The following RORA variants were observed in gnomAD, a reference collection of about 807,000 sequenced individuals.
The protein encoded by RORA is RAR related orphan receptor A, also known as nuclear receptor ROR-alpha.
RORA carries 7 observed loss-of-function variants against 69.5 expected under a neutral mutation model. The ratio of observed to expected loss-of-function variants is 0.10; its 90% CI spans 0.06 to 0.19. The LOEUF (loss-of-function observed/expected upper bound fraction) is 0.19. Ranked by LOEUF, RORA falls within the 10% of genes least tolerant of loss-of-function variation. The pLI, the probability that RORA is intolerant of heterozygous loss-of-function variation, is 1.00. For synonymous variants in RORA, 261 were observed against 240.8 expected (o/e 1.08, Z -0.78); for missense variants, 457 against 663.0 (o/e 0.69, Z 3.41).
At chr15:60,803,282 G>A (rs1458738574) in intron 1 of RORA, among the ~76,000 whole-genome samples, 1 of 152,126 alleles carries the variant, frequency 6.6e-6, no homozygotes, top group Non-Finnish European at 1.5e-5. Context: ...GGCCCCTTCG[G>A]ACCAGCTGGG....
rs1293659401 is a variant in RORA at position 60,537,781 on chromosome 15, C to T, written c.197-5930G>A. On this transcript the variant is annotated intron_variant, in intron 2 of 10. Transcript: ENST00000335670. The surrounding 1 kb of genome is among the most constrained non-coding windows in gnomAD (Gnocchi z 4.9). ...TTTCCCTAGTACATTATTTTCTTCT[C>T]TTGATTTTGGATTCTTTCATGACAG... 1.3e-5 allele frequency among the ~76,000 whole-genome samples: 2 copies of T among 152,196 alleles called. No individual in the cohort carries two copies. Among genetic ancestry groups the T allele is most frequent in the Admixed American group, 1.3e-4 (2 of 15,280 alleles).
At chr15:60,769,634 T>G (rs970839625) in intron 1 of RORA, among the ~76,000 whole-genome samples, 1 of 152,240 alleles carries the variant, frequency 6.6e-6, no homozygotes, top group Non-Finnish European at 1.5e-5. Context: ...TAGATATTGA[T>G]GTTATAAACT....
At chr15:60,752,574 G>C (rs1276776083) in intron 1 of RORA, among the ~76,000 whole-genome samples, 4 of 152,000 alleles carry the variant, frequency 2.6e-5, no homozygotes, top group Non-Finnish European at 5.9e-5. Flanking sequence ...TTGCCGCCGA[G>C]AACAACAGCG....
chr15:60,899,050 C>T (rs28625648), intron 1 of RORA, among the ~76,000 whole-genome samples: 32,895 of 152,158 alleles, frequency 0.22, 4,153 homozygotes, highest in African/African-American at 0.35. Flanking sequence ...AAACACCCTA[C>T]TTATGGAGGC....
intron 2 of RORA, among the ~76,000 whole-genome samples, chr15:60,672,783 C>T (rs1355123126): frequency 6.6e-6 from 1 of 152,212 alleles, no homozygotes. Flanking sequence ...AAACACAATG[C>T]TTCGAATATT....
intron 1 of RORA, among the ~76,000 whole-genome samples, chr15:60,872,871 T>A: frequency 6.6e-6 from 1 of 152,114 alleles, no homozygotes; most frequent in African/African-American, 2.4e-5. Context: ...GTTCCCCAAG[T>A]GCACATATTG....
At position 60,592,819 on chromosome 15, in the gene RORA, G is replaced by A. The variant is rs1255573659; in HGVS notation, c.197-60968C>T. The A allele has an allele frequency of 2.8e-5, 16 of 570,746 alleles. No homozygotes were observed. The Admixed American group carries it at 3.6e-4, about 13-fold the overall frequency. 35.4% of individuals were successfully genotyped at this position (570,746 alleles called of 1,614,324 possible). ...GCCTTCGGGATCACCTGTGGCCGCC[G>A]GTCGCTTTTCTGCACGCAGCGCCCC... On this transcript the variant is annotated intron_variant, in intron 2 of 10. Transcript: ENST00000335670.
chr15:60,965,858 C>A (rs529314527), intron 1 of RORA, among the ~76,000 whole-genome samples: 75 of 152,272 alleles, frequency 4.9e-4, no homozygotes, highest in East Asian at 5.8e-4. Flanking sequence ...ACTACGAACC[C>A]TCCCCAATCA....
chr15:60,858,883 CTAAT>C (rs1479142394), intron 1 of RORA, among the ~76,000 whole-genome samples: 1 of 152,100 alleles, frequency 6.6e-6, no homozygotes, highest in Non-Finnish European at 1.5e-5. Context: ...CTCAAACGCT[CTAAT>C]TAGATTGTGC....
chr15:61,047,743 T>C (rs112545216), intron 1 of RORA, among the ~76,000 whole-genome samples: 21 of 152,346 alleles, frequency 1.4e-4, no homozygotes, highest in African/African-American at 4.3e-4. Flanking sequence ...TCCAATCCTT[T>C]ATTGCCCCCA....
intron 2 of RORA, among the ~76,000 whole-genome samples, chr15:60,653,744 G>T (rs112678138): frequency 5.3e-5 from 8 of 151,698 alleles, no homozygotes; most frequent in Non-Finnish European, 1.2e-4. Flanking sequence ...GTCCGACTGT[G>T]TCTGCCTCTC....
At chr15:61,205,395 C>T (rs541405239) in intron 1 of RORA, among the ~76,000 whole-genome samples, 1 of 152,312 alleles carries the variant, frequency 6.6e-6, no homozygotes, top group East Asian at 1.9e-4. Flanking sequence ...TCACAGTACA[C>T]AGCACACGCC....
intron 1 of RORA, among the ~76,000 whole-genome samples, chr15:60,911,573 A>T (rs1224867050): frequency 1.3e-5 from 2 of 152,216 alleles, no homozygotes; most frequent in Non-Finnish European, 2.9e-5. Context: ...CTAGAATGAA[A>T]GACAGGTTTA....
intron 2 of RORA, among the ~76,000 whole-genome samples, chr15:60,622,968 A>C (rs2069459070): frequency 6.6e-6 from 1 of 152,140 alleles, no homozygotes; most frequent in South Asian, 2.1e-4. Flanking sequence ...CACCCGCCTC[A>C]GTCTCCCAAA....
intron 2 of RORA, among the ~76,000 whole-genome samples, chr15:60,642,577 T>C (rs1323270892): frequency 2.0e-5 from 3 of 152,176 alleles, no homozygotes; most frequent in Non-Finnish European, 4.4e-5. Context: ...CATGCACACT[T>C]CCGGGAAGCT....
At chr15:60,639,817 C>T (rs1850326553) in intron 2 of RORA, among the ~76,000 whole-genome samples, 2 of 152,030 alleles carry the variant, frequency 1.3e-5, no homozygotes, top group South Asian at 4.1e-4. Context: ...GAAAGGCGTC[C>T]TTGTTTTGGT....
chr15:60,588,685 A>G (rs541183527), intron 2 of RORA, among the ~76,000 whole-genome samples: 2 of 152,306 alleles, frequency 1.3e-5, no homozygotes, highest in South Asian at 4.1e-4. Context: ...TATATTTACA[A>G]GTGTATCTAC....
At chr15:61,132,858 T>A (rs1308118637) in intron 1 of RORA, among the ~76,000 whole-genome samples, 1 of 152,198 alleles carries the variant, frequency 6.6e-6, no homozygotes, top group Non-Finnish European at 1.5e-5. Context: ...TATAAATGTA[T>A]GCTGTTTTCA....
At chr15:60,889,188 T>A (rs2073784733) in intron 1 of RORA, among the ~76,000 whole-genome samples, 1 of 152,152 alleles carries the variant, frequency 6.6e-6, no homozygotes, top group Non-Finnish European at 1.5e-5. Context: ...CTTGAACTCC[T>A]CGAGGCAGGA....
Sources: allele counts gnomAD v4.1 joint callset (sites outside exome capture counted in the v4.1 genomes callset), GRCh38; gene constraint gnomAD v4.1.1; non-coding constraint Gnocchi (gnomAD v3.1); transcripts MANE v1.5; gene names NCBI Gene and HGNC (gene_info 2026-07-23, HGNC 2026-07-21).